PCDH15: variants seen among roughly 807,000 people sequenced by gnomAD.
PCDH15 encodes protocadherin related 15.
In PCDH15, 129 loss-of-function variants were observed where a neutral mutation model predicts 178.5. The observed-to-expected ratio is 0.72, with a 90% confidence interval of 0.63 to 0.84. The LOEUF is 0.84. Ranked by LOEUF, PCDH15 falls within the 40% of genes least tolerant of loss-of-function variation. The probability of loss-of-function intolerance (pLI) is 0.00; values close to 1 mark genes in which losing one functional copy is unlikely to be tolerated. For synonymous variants in PCDH15, 800 were observed against 732.0 expected (o/e 1.09, Z -1.50); for missense variants, 2,230 against 2,099.9 (o/e 1.06, Z -1.21).
chr10:53,879,099 T>G (rs2080499281), intron 26 of PCDH15, among the ~76,000 whole-genome samples: 1 of 87,416 alleles, frequency 1.1e-5, no homozygotes, highest in African/African-American at 3.3e-5. Context: ...TTCTATTTGT[T>G]CTTTTTTTTT....
Position 54,346,827 on chromosome 10 carries a change from C to T in PCDH15, c.475-343G>A, listed in dbSNP as rs16905987. On this transcript the variant is annotated intron_variant, in intron 5 of 37. Transcript: ENST00000644397. ...TCAAAACCCTTGATGCAATGTTACC[C>T]ACAGGCTAGAATTTAAACTGTAAGA... Among the ~76,000 whole-genome samples, 10,806 of 152,244 alleles carry T rather than the reference C, an allele frequency of 0.071. 499 individuals are homozygous for T. Among genetic ancestry groups the T allele is most frequent in the African/African-American group, 0.12 (5,160 of 41,524 alleles).
chr10:54,332,111 G>C (rs1021304924), intron 6 of PCDH15, among the ~76,000 whole-genome samples: 2 of 148,806 alleles, frequency 1.3e-5, no homozygotes, highest in African/African-American at 4.9e-5. Flanking sequence ...AAAAGAGCCC[G>C]GATCTGTGTT....
chr10:54,208,986 CTCTCT>C (rs1177353360), intron 10 of PCDH15, among the ~76,000 whole-genome samples: 1 of 151,888 alleles, frequency 6.6e-6, no homozygotes, highest in Admixed American at 6.6e-5. Context: ...TCCTCTCTCT[CTCTCT>C]TTTGTTTGAA....
chr10:54,206,469 T>C (rs540833035), intron 10 of PCDH15, among the ~76,000 whole-genome samples: 24 of 152,238 alleles, frequency 1.6e-4, no homozygotes, highest in African/African-American at 5.5e-4. Context: ...TTATTTTTAT[T>C]ATTTTATCCT....
At chr10:53,915,958 G>A (rs1015895458) in intron 25 of PCDH15, among the ~76,000 whole-genome samples, 1 of 152,082 alleles carries the variant, frequency 6.6e-6, no homozygotes, top group East Asian at 1.9e-4. Context: ...TGGGGGATTG[G>A]TCCCAGGACC....
chr10:54,656,089 T>C (rs532335573), intron 2 of PCDH15: 31 of 152,320 alleles, frequency 2.0e-4, no homozygotes, highest in African/African-American at 7.5e-4. Context: ...TGAATTTAAC[T>C]TCTCAGAATA....
intron 2 of PCDH15, among the ~76,000 whole-genome samples, chr10:55,076,897 T>C (rs1260035944): frequency 6.6e-6 from 1 of 150,572 alleles, no homozygotes; most frequent in African/African-American, 2.5e-5. Context: ...GCCTCCTGAG[T>C]AGCTGGGATT....
At chr10:55,240,202 G>C (rs1324284317) in intron 1 of PCDH15, among the ~76,000 whole-genome samples, 1 of 152,076 alleles carries the variant, frequency 6.6e-6, no homozygotes, top group East Asian at 1.9e-4. Flanking sequence ...AAAGGAAACT[G>C]ATACATCATA....
In PCDH15 at chr10:54,693,918, T is replaced by C. The variant is rs374176947; in HGVS notation, c.-28-29628A>G. ...AACCAAACCGAAACAAAAAATAGTG[T>C]AGTTCTTTTTTTCTCAACGAAGTAT... On this transcript the variant is annotated intron_variant, in intron 1 of 37. Coordinates refer to ENST00000644397, the MANE Select transcript of PCDH15 (RefSeq NM_001384140.1). 3.7e-4 allele frequency among the ~76,000 whole-genome samples: 56 copies of C among 152,178 alleles called. No individual in the cohort carries two copies. The East Asian group carries it at 6.6e-3, about 18-fold the overall frequency.
intron 8 of PCDH15, among the ~76,000 whole-genome samples, chr10:54,273,220 A>G (rs567393623): frequency 1.5e-4 from 23 of 152,254 alleles, no homozygotes; most frequent in African/African-American, 5.5e-4. Context: ...TACTTTATTT[A>G]GAACTTAATG....
At chr10:55,611,849 G>A (rs1843373774) in intron 2 of PCDH15, among the ~76,000 whole-genome samples, 2 of 152,086 alleles carry the variant, frequency 1.3e-5, no homozygotes, top group African/African-American at 2.4e-5. Flanking sequence ...TTAAAAAGGA[G>A]AAAATTCTGT....
In PCDH15 at chr10:53,840,341, A is replaced by T; in HGVS notation, c.3962T>A (p.Ile1321Asn). 6.2e-7 allele frequency: 1 copy of T among 1,614,214 alleles called. No homozygotes were observed. Among genetic ancestry groups the T allele is most frequent in the African/African-American group, 1.3e-5 (1 of 75,058 alleles). The change falls in exon 29 of 38, where the codon ATC becomes AAC. Residue 1321 changes from isoleucine (I) to asparagine (N), a missense_variant. By Grantham distance (149) the Ile-to-Asn change is moderately radical. Coordinates refer to ENST00000644397, the MANE Select transcript of PCDH15 (RefSeq NM_001384140.1). ...TTACTTAAAAAGCTCATTTCTATCG[A>T]TGGCTCTGTTGGTTTGGGGGTCAAT... ...YAIDPQTNRA[I>N]DRNELFKFLD...
chr10:54,916,378 G>A (rs571859118), intron 2 of PCDH15, among the ~76,000 whole-genome samples: 2 of 152,118 alleles, frequency 1.3e-5, no homozygotes, highest in Non-Finnish European at 2.9e-5. Context: ...ACTTAAATGT[G>A]TTAGGTGACT....
rs147109893 is a variant in PCDH15, at chr10:55,535,815, T to C, written c.-156+91810A>G. Reference sequence around the variant, plus strand: ...TAACACTTCATGCCAAATTAATATCTGTTTCCACTCTATTTAGGGATACAC... The same window carrying C: ...TAACACTTCATGCCAAATTAATATCCGTTTCCACTCTATTTAGGGATACAC... On this transcript the variant is annotated intron_variant, in intron 2 of 5. Coordinates refer to the PCDH15 transcript ENST00000613346. Among the ~76,000 whole-genome samples, 307 of 151,686 alleles carry C rather than the reference T, an allele frequency of 2.0e-3. 1 individual carries two copies. The highest frequency in any genetic ancestry group is 7.2e-3 in the African/African-American group (298 of 41,582).
At chr10:54,234,132 C>CTCTG in intron 9 of PCDH15, among the ~76,000 whole-genome samples, 2 of 138,548 alleles carry the variant, frequency 1.4e-5, no homozygotes, top group Middle Eastern at 3.7e-3. Context: ...ATATCCCCTT[C>CTCTG]TGTGTGTGTG....
At chr10:53,975,285 T>C (rs973798007) in intron 21 of PCDH15, among the ~76,000 whole-genome samples, 9 of 152,208 alleles carry the variant, frequency 5.9e-5, no homozygotes, top group African/African-American at 1.7e-4. Context: ...TTATTTTTCT[T>C]TGGTTATATA....
At chr10:55,477,035 A>G (rs1840076043) in intron 2 of PCDH15, among the ~76,000 whole-genome samples, 1 of 151,988 alleles carries the variant, frequency 6.6e-6, no homozygotes, top group Non-Finnish European at 1.5e-5. Flanking sequence ...ATTTTAATAC[A>G]GTAAAATGTA....
At chr10:53,855,545 A>G (rs1275704872) in intron 28 of PCDH15, among the ~76,000 whole-genome samples, 1 of 152,064 alleles carries the variant, frequency 6.6e-6, no homozygotes, top group Non-Finnish European at 1.5e-5. Flanking sequence ...AATAATTGTT[A>G]TGAATCATAT....
In PCDH15 at chr10:53,896,261, C is replaced by G. The variant is rs2081941603; in HGVS notation, c.3501+6982G>C. Among the ~76,000 whole-genome samples the G allele has an allele frequency of 2.0e-5, 3 of 152,250 alleles. No individual in the cohort carries two copies. In the South Asian group the frequency reaches 6.2e-4, roughly 32 times the overall value. On this transcript the variant is annotated intron_variant, in intron 26 of 37. Transcript: ENST00000644397. ...CCATTAACATTTCTTCAAAGCCCAG[C>G]AGAAACAAAAAGTTAATGTTCAAAG...
Sources: allele counts gnomAD v4.1 joint callset (sites outside exome capture counted in the v4.1 genomes callset), GRCh38; gene constraint gnomAD v4.1.1; transcripts MANE v1.5; gene names NCBI Gene and HGNC (gene_info 2026-07-23, HGNC 2026-07-21).